ADK: variants seen among roughly 807,000 people sequenced by gnomAD.
The protein encoded by ADK is N6,N6-dimethyladenosine kinase.
In ADK, 24 loss-of-function variants were observed where a neutral mutation model predicts 44.7. The observed-to-expected ratio is 0.54, with a 90% CI of 0.39 to 0.76. ADK has a LOEUF of 0.76. ADK is among the 30% of genes least tolerant of loss of function. The pLI is 0.00. For synonymous variants in ADK, 128 were observed against 142.6 expected (o/e 0.90, Z 0.73); for missense variants, 321 against 425.1 (o/e 0.76, Z 2.15).
intron 6 of ADK, among the ~76,000 whole-genome samples, chr10:74,456,556 A>G (rs1049411808): frequency 2.7e-5 from 4 of 150,118 alleles, no homozygotes; most frequent in Non-Finnish European, 5.9e-5. Flanking sequence ...AGTCCCAGCT[A>G]CTCGGGAGGC....
intron 1 of ADK, 88 bp from the exon 2 acceptor site, chr10:74,200,676 A>G (rs1310313582): frequency 4.6e-6 from 4 of 871,880 alleles, no homozygotes; most frequent in Non-Finnish European, 7.5e-6. Context: ...TCAGGTTGAA[A>G]TGAAGATAGT....
intron 1 of ADK, among the ~76,000 whole-genome samples, chr10:74,165,673 T>G (rs1239038949): frequency 6.6e-6 from 1 of 151,648 alleles, no homozygotes; most frequent in African/African-American, 2.4e-5. Context: ...CTGACTCATG[T>G]GTCTTGCTGT....
intron 6 of ADK, among the ~76,000 whole-genome samples, chr10:74,507,382 G>A (rs907815792): frequency 5.9e-5 from 9 of 152,096 alleles, no homozygotes; most frequent in African/African-American, 1.7e-4. Flanking sequence ...GGAGGCTGAG[G>A]TGGACAGATC....
At chr10:74,234,579 T>G (rs939121702) in intron 3 of ADK, among the ~76,000 whole-genome samples, 1 of 152,212 alleles carries the variant, frequency 6.6e-6, no homozygotes, top group Non-Finnish European at 1.5e-5. Context: ...TTTAGTATGG[T>G]TCACTAGAAA....
chr10:74,564,270 C>T lies in ADK; in HGVS notation c.727-25012C>T, dbSNP rs368485141. ...AGAAAGACGATTTAAGTTAAATGCACCCATCAAGCTTTGAAGGAAGGCGGC... is the reference window on the plus strand; with the variant it reads ...AGAAAGACGATTTAAGTTAAATGCATCCATCAAGCTTTGAAGGAAGGCGGC... On this transcript the variant is annotated intron_variant, in intron 7 of 10. Transcript: ENST00000539909. Among the ~76,000 whole-genome samples the T allele has an allele frequency of 1.4e-4, 22 of 152,148 alleles. No individual in the cohort carries two copies. In the East Asian group the frequency reaches 3.9e-3, roughly 27 times the overall value.
intron 2 of ADK, among the ~76,000 whole-genome samples, chr10:74,207,522 G>A (rs1354711581): frequency 6.6e-6 from 1 of 152,194 alleles, no homozygotes; most frequent in Non-Finnish European, 1.5e-5. Flanking sequence ...CAGGAGACCC[G>A]AAGTGGGTAG....
intron 6 of ADK, among the ~76,000 whole-genome samples, chr10:74,475,755 TAAAAG>T (rs1212742635): frequency 4.7e-5 from 4 of 84,826 alleles, no homozygotes; most frequent in Non-Finnish European, 6.9e-5. Context: ...AAGAGAGAAA[TAAAAG>T]AAGAAAAGAG....
At chr10:74,540,577 A>G (rs906457493) in intron 7 of ADK, among the ~76,000 whole-genome samples, 2 of 151,996 alleles carry the variant, frequency 1.3e-5, no homozygotes, top group South Asian at 2.1e-4. Flanking sequence ...CTCAAGTCTC[A>G]GCTTTCCACA....
chr10:74,586,295 C>T (rs1037442478), intron 7 of ADK, among the ~76,000 whole-genome samples: 8 of 152,100 alleles, frequency 5.3e-5, no homozygotes, highest in Non-Finnish European at 1.0e-4. Flanking sequence ...CATTTTAAGC[C>T]ACAGAACAAC....
At chr10:74,520,699 G>C (rs2133589796) in intron 6 of ADK, among the ~76,000 whole-genome samples, 1 of 152,090 alleles carries the variant, frequency 6.6e-6, no homozygotes, top group South Asian at 2.1e-4. Flanking sequence ...CCTTAGAGTG[G>C]TTGTGTAATG....
intron 2 of ADK, among the ~76,000 whole-genome samples, chr10:74,202,093 T>C (rs537366539): frequency 6.6e-6 from 1 of 152,310 alleles, no homozygotes; most frequent in African/African-American, 2.4e-5. Context: ...CATTCGCTAT[T>C]CCCTCCTCTA....
chr10:74,412,654 A>G (rs7901524), intron 6 of ADK, among the ~76,000 whole-genome samples: 110,227 of 152,100 alleles, frequency 0.72, 40,562 homozygotes, highest in Middle Eastern at 0.86. Flanking sequence ...TCATCTTCTT[A>G]TACGTCTCCA....
chr10:74,162,287 G>A (rs1483885829), intron 1 of ADK, among the ~76,000 whole-genome samples: 1 of 152,108 alleles, frequency 6.6e-6, no homozygotes, highest in Non-Finnish European at 1.5e-5. Context: ...CCAAAGTGCT[G>A]GGATTACAGG....
intron 10 of ADK, among the ~76,000 whole-genome samples, chr10:74,677,910 A>G (rs1218676751): frequency 7.3e-6 from 1 of 137,688 alleles, no homozygotes; most frequent in African/African-American, 2.7e-5. Context: ...GGAGGATCAC[A>G]TGAGGCCGGG....
chr10:74,249,943 TAATA>T (rs1845585519), intron 3 of ADK, among the ~76,000 whole-genome samples: 1 of 152,234 alleles, frequency 6.6e-6, no homozygotes, highest in Non-Finnish European at 1.5e-5. Flanking sequence ...GTTTATACTC[TAATA>T]GAGAATGTAG....
chr10:74,434,686 T>A (rs974075862), intron 6 of ADK, among the ~76,000 whole-genome samples: 4 of 152,128 alleles, frequency 2.6e-5, no homozygotes, highest in Non-Finnish European at 4.4e-5. Context: ...CTGGCTATTA[T>A]CTGTTTCTCC....
At chr10:74,191,607 T>C (rs1034684547) in intron 1 of ADK, among the ~76,000 whole-genome samples, 5 of 152,122 alleles carry the variant, frequency 3.3e-5, no homozygotes, top group Non-Finnish European at 7.4e-5. Context: ...TCTTTTGAAA[T>C]ACAACTCACA....
intron 1 of ADK, among the ~76,000 whole-genome samples, chr10:74,152,433 C>G (rs1271304347): frequency 6.6e-6 from 1 of 152,122 alleles, no homozygotes; most frequent in Non-Finnish European, 1.5e-5. Context: ...CAACTATATG[C>G]AGAATAAAAA....
intron 7 of ADK, among the ~76,000 whole-genome samples, chr10:74,581,013 A>G (rs1344495379): frequency 7.7e-6 from 1 of 129,310 alleles, no homozygotes; most frequent in East Asian, 2.4e-4. Context: ...CAGTCAATCA[A>G]TAATAAATAC....
Sources: allele counts gnomAD v4.1 joint callset (sites outside exome capture counted in the v4.1 genomes callset), GRCh38; gene constraint gnomAD v4.1.1; transcripts MANE v1.5; gene names NCBI Gene and HGNC (gene_info 2026-07-23, HGNC 2026-07-21).